The following GALNTL5 variants were observed in gnomAD, a reference collection of about 807,000 sequenced individuals.
GALNTL5 encodes inactive polypeptide N-acetylgalactosaminyltransferase-like protein 5.
In GALNTL5, 44 loss-of-function variants were observed where a neutral mutation model predicts 51.0. That is an observed-to-expected ratio of 0.86 (90% CI 0.68 to 1.11). GALNTL5 has a LOEUF of 1.11. Among genes scored for constraint, GALNTL5 ranks in the 50% least tolerant of loss-of-function variants. GALNTL5 has a pLI of 0.00. For missense variants in GALNTL5, 528 were observed against 531.8 expected, an observed-to-expected ratio of 0.99 and a Z score of 0.07; for synonymous variants, 192 against 182.8, an observed-to-expected ratio of 1.05 and a Z score of -0.41.
intron 7 of GALNTL5, among the ~76,000 whole-genome samples, chr7:152,011,455 C>T (rs573605722): frequency 6.6e-6 from 1 of 152,358 alleles, no homozygotes; most frequent in African/African-American, 2.4e-5. Flanking sequence ...CCTGATCTCC[C>T]CGACACCTGC....
In GALNTL5 at chr7:151,987,886, C is replaced by T. The variant is rs114504017; in HGVS notation, c.658+605C>T. Among the ~76,000 whole-genome samples the T allele has an allele frequency of 6.5e-3, 995 of 152,328 alleles. 14 individuals carry two copies. Among genetic ancestry groups the T allele is most frequent in the African/African-American group, 0.023 (965 of 41,564 alleles). On this transcript the variant is annotated intron_variant, in intron 5 of 8. Coordinates refer to ENST00000392800, the MANE Select transcript of GALNTL5 (RefSeq NM_145292.4). ...TGCAAAGGCTGCCCGTTAGGGAGAC[C>T]TGCAATGGGACCGGGTGGCGCATCT...
chr7:151,973,475 AAAAG>A (rs1481279221), intron 3 of GALNTL5, among the ~76,000 whole-genome samples: 1 of 152,142 alleles, frequency 6.6e-6, no homozygotes, highest in Non-Finnish European at 1.5e-5. Context: ...CAAAAAAAAA[AAAAG>A]AAGATTTAAT....
chr7:151,967,841 G>T (rs1427050763), intron 2 of GALNTL5, among the ~76,000 whole-genome samples: 1 of 152,024 alleles, frequency 6.6e-6, no homozygotes, highest in Non-Finnish European at 1.5e-5. Context: ...TCTTTCTCAT[G>T]TATGTCTTTC....
chr7:151,985,348 T>C (rs2081348272), intron 4 of GALNTL5, among the ~76,000 whole-genome samples: 1 of 152,210 alleles, frequency 6.6e-6, no homozygotes, highest in African/African-American at 2.4e-5. Context: ...ACACCTCTGC[T>C]TCTCCTCCTC....
intron 7 of GALNTL5, among the ~76,000 whole-genome samples, chr7:152,008,810 T>A (rs1166858065): frequency 1.3e-5 from 2 of 152,176 alleles, no homozygotes; most frequent in African/African-American, 4.8e-5. Flanking sequence ...TTTATAACGC[T>A]CATGCCTTTG....
chr7:151,958,231 G>A (rs772523991), intron 1 of GALNTL5, among the ~76,000 whole-genome samples: 5 of 152,192 alleles, frequency 3.3e-5, no homozygotes, highest in Admixed American at 2.6e-4. Flanking sequence ...CCCACTGGAC[G>A]CAGCAGGCTG....
In GALNTL5 at chr7:151,979,276, A is replaced by ATTT. The variant is rs10681163; in HGVS notation, c.369-3696_369-3694dup. 7.8e-3 allele frequency among the ~76,000 whole-genome samples: 1,028 copies of ATTT among 131,428 alleles called. 20 individuals are homozygous for ATTT. Among genetic ancestry groups the ATTT allele is most frequent in the African/African-American group, 0.024 (841 of 34,482 alleles). The allele number at this position is 131,428 out of a possible 152,430, so 86.2% of individuals were successfully genotyped here. A position where few individuals can be genotyped will look rare whatever the true frequency, so the allele number is the denominator to read the frequency against. ...AGGTGCCCGCCACCACGCCCAGCTA[A>ATTT]TTTTTTTTTTTTTTTTGTAAGTAGA... On this transcript the variant is annotated intron_variant, in intron 3 of 8. Transcript: ENST00000392800.
chr7:151,994,430 G>T (rs1306829717), intron 5 of GALNTL5, among the ~76,000 whole-genome samples: 1 of 152,082 alleles, frequency 6.6e-6, no homozygotes, highest in Non-Finnish European at 1.5e-5. Flanking sequence ...GGAGCTATTT[G>T]CATTATTACA....
chr7:152,017,304 GGTAA>G (rs1271229919), intron 8 of GALNTL5, among the ~76,000 whole-genome samples: 1 of 152,088 alleles, frequency 6.6e-6, no homozygotes, highest in African/African-American at 2.4e-5. Context: ...GTAACACAAT[GGTAA>G]GTATTTGTGT....
At chr7:152,004,405 T>C (rs1197100057) in intron 6 of GALNTL5, among the ~76,000 whole-genome samples, 1 of 151,254 alleles carries the variant, frequency 6.6e-6, no homozygotes, top group African/African-American at 2.4e-5. Context: ...ACATAAGTTA[T>C]TTTTTAAAGG....
At chr7:151,994,932 A>AT (rs1319308466) in intron 5 of GALNTL5, 30 of 151,594 alleles carry the variant, frequency 2.0e-4, no homozygotes, top group African/African-American at 7.0e-4. Context: ...AATTTTTTGT[A>AT]TTTTTTAGTA....
At chr7:151,993,428 C>A (rs1319535763) in intron 5 of GALNTL5, among the ~76,000 whole-genome samples, 1 of 152,018 alleles carries the variant, frequency 6.6e-6, no homozygotes, top group Middle Eastern at 3.2e-3. Flanking sequence ...GCACTGGTGT[C>A]TTTTTTGATT....
At chr7:151,981,977 C>T (rs1416640398) in intron 3 of GALNTL5, among the ~76,000 whole-genome samples, 2 of 151,586 alleles carry the variant, frequency 1.3e-5, no homozygotes, top group African/African-American at 4.8e-5. Flanking sequence ...AAAGTTAGCT[C>T]CAGCAGATTT....
chr7:151,986,643 C>A lies in GALNTL5; in HGVS notation c.536-516C>A, dbSNP rs371157464. 5.3e-5 allele frequency among the ~76,000 whole-genome samples: 8 copies of A among 151,434 alleles called. No individual in the cohort carries two copies. In the East Asian group the frequency reaches 1.5e-3, roughly 29 times the overall value. ...GAATGAGGCCCTGTCTCAACAAAAA[C>A]GAAACAAAAAGAAAAATATTTACAG... On this transcript the variant is annotated intron_variant, in intron 4 of 8. Transcript: ENST00000392800.
intron 7 of GALNTL5, among the ~76,000 whole-genome samples, chr7:152,010,676 G>A (rs375571042): frequency 6.6e-6 from 1 of 151,812 alleles, no homozygotes; most frequent in Non-Finnish European, 1.5e-5. Context: ...GCTGAGGCAC[G>A]AGAATTGCTT....
In GALNTL5 at chr7:151,968,107, G is replaced by A. The variant is rs145218870; in HGVS notation, c.247+614G>A. On this transcript the variant is annotated intron_variant, in intron 2 of 8. Coordinates refer to ENST00000392800, the MANE Select transcript of GALNTL5 (RefSeq NM_145292.4). ...GGCCAGGAGTTCAAGACCTGCCTGGGGAACATAGCAAGACACCACCTCAAC... is the reference window on the plus strand; with the variant it reads ...GGCCAGGAGTTCAAGACCTGCCTGGAGAACATAGCAAGACACCACCTCAAC... 5.9e-3 allele frequency among the ~76,000 whole-genome samples: 900 copies of A among 152,072 alleles called. 4 individuals are homozygous for A. The highest frequency in any genetic ancestry group is 0.02 in the African/African-American group (818 of 41,468).
At chr7:151,975,701 C>T (rs542658523) in intron 3 of GALNTL5, among the ~76,000 whole-genome samples, 11 of 151,964 alleles carry the variant, frequency 7.2e-5, no homozygotes, top group Non-Finnish European at 1.6e-4. Flanking sequence ...GGTGTTTATT[C>T]CTATAATTCC....
chr7:152,019,577 G>C, intron 8 of GALNTL5, 69 bp from the exon 9 acceptor site: 1 of 1,433,156 alleles, frequency 7.0e-7, no homozygotes, highest in South Asian at 1.3e-5. Context: ...GTCTATGTTA[G>C]ATATAATCAT....
chr7:151,964,782 G>A (rs1293562952), intron 1 of GALNTL5, among the ~76,000 whole-genome samples: 6 of 152,144 alleles, frequency 3.9e-5, no homozygotes, highest in East Asian at 1.9e-4. Context: ...TCAGGGGGAC[G>A]ACCCAGGGAG....
Sources: gnomAD v4.1 joint callset for allele counts (sites outside exome capture counted in the v4.1 genomes callset) on GRCh38, gnomAD v4.1.1 for gene constraint, MANE v1.5 for transcripts, NCBI Gene and HGNC (gene_info 2026-07-23, HGNC 2026-07-21) for gene names.